PRDM16: variants seen among roughly 807,000 people sequenced by gnomAD.
PRDM16 encodes histone-lysine N-methyltransferase PRDM16.
A neutral mutation model predicts 110.6 loss-of-function variants in PRDM16; 23 were observed. That is an observed-to-expected ratio of 0.21 (90% CI 0.15 to 0.29). The LOEUF (loss-of-function observed/expected upper bound fraction) is 0.29. PRDM16 is among the 10% of genes least tolerant of loss of function. PRDM16 has a pLI of 1.00. For synonymous variants in PRDM16, 799 were observed against 781.8 expected (o/e 1.02, Z -0.37); for missense variants, 1,615 against 1,794.3 (o/e 0.90, Z 1.81).
At chr1:3,340,562 G>A (rs1307033542) in intron 3 of PRDM16, among the ~76,000 whole-genome samples, 1 of 152,120 alleles carries the variant, frequency 6.6e-6, no homozygotes, top group Non-Finnish European at 1.5e-5. Context: ...CCTGCACAGG[G>A]CTCCCTCCCC....
rs1644070432 is a variant in PRDM16 at position 3,175,101 on chromosome 1, G to C, written c.38-11024G>C. On this transcript the variant is annotated intron_variant, in intron 1 of 16. Coordinates refer to ENST00000270722, the MANE Select transcript of PRDM16 (RefSeq NM_022114.4). The surrounding 1 kb of genome is among the most constrained non-coding windows in gnomAD (Gnocchi z 4.8). ...CATTTCCTGGAGTTACGACAGCTTT[G>C]TTCTTGTCTCAAAGCCAAGATCCAG... Among the ~76,000 whole-genome samples, 2 of 152,134 alleles carry C rather than the reference G, an allele frequency of 1.3e-5. No homozygotes were observed. The highest frequency in any genetic ancestry group is 1.3e-4 in the Admixed American group (2 of 15,274).
chr1:3,337,711 G>A (rs370684378), intron 3 of PRDM16, among the ~76,000 whole-genome samples: 4 of 152,178 alleles, frequency 2.6e-5, no homozygotes, highest in Non-Finnish European at 4.4e-5. Context: ...GATGCTGTGC[G>A]GTTTTCCATT....
At chr1:3,396,830 C>T (rs1643393886) in intron 5 of PRDM16, among the ~76,000 whole-genome samples, 1 of 152,218 alleles carries the variant, frequency 6.6e-6, no homozygotes, top group African/African-American at 2.4e-5. Flanking sequence ...CTGGGGCATC[C>T]AGGAGGTGCA....
At chr1:3,354,138 G>A (rs2100544211) in intron 3 of PRDM16, among the ~76,000 whole-genome samples, 1 of 152,344 alleles carries the variant, frequency 6.6e-6, no homozygotes, top group Non-Finnish European at 1.5e-5. Flanking sequence ...ATTCTGGACT[G>A]CAGAGCATTT....
chr1:3,428,648 G>C (rs1037772939), intron 14 of PRDM16, among the ~76,000 whole-genome samples: 1 of 152,180 alleles, frequency 6.6e-6, no homozygotes, highest in African/African-American at 2.4e-5. Context: ...ACGTTCCCTG[G>C]GCCTCCTGCA....
chr1:3,136,283 C>T (rs1643436661), intron 1 of PRDM16, among the ~76,000 whole-genome samples: 1 of 152,220 alleles, frequency 6.6e-6, no homozygotes, highest in South Asian at 2.1e-4. Flanking sequence ...GCGCGATGCT[C>T]CGGGGTCTCG....
In PRDM16 at chr1:3,359,686, A is replaced by G. The variant is rs952679518; in HGVS notation, c.439-25466A>G. ...AAGGGTCTTTAGAAAATTTTTGGCA[A>G]TCTTGACTTCTTTCCCCCTTGGAAA... On this transcript the variant is annotated intron_variant, in intron 3 of 16. Coordinates refer to ENST00000270722, the MANE Select transcript of PRDM16 (RefSeq NM_022114.4). The surrounding 1 kb of genome is among the most constrained non-coding windows in gnomAD (Gnocchi z 4.3). Among the ~76,000 whole-genome samples, 2 of 152,208 alleles carry G rather than the reference A, an allele frequency of 1.3e-5. No homozygotes were observed. The highest frequency in any genetic ancestry group is 2.9e-5 in the Non-Finnish European group (2 of 68,016).
intron 3 of PRDM16, among the ~76,000 whole-genome samples, chr1:3,292,935 C>T (rs1022522758): frequency 1.3e-5 from 2 of 152,200 alleles, no homozygotes; most frequent in East Asian, 1.9e-4. Flanking sequence ...TCCTGTTTGT[C>T]TTCTGTGGGT....
chr1:3,226,305 TGTG>T (rs1639287781), intron 2 of PRDM16, among the ~76,000 whole-genome samples: 1 of 152,214 alleles, frequency 6.6e-6, no homozygotes, highest in Non-Finnish European at 1.5e-5. Flanking sequence ...GTTGACATGT[TGTG>T]GTGGGGTCAT....
chr1:3,277,335 C>T (rs1183476135), intron 3 of PRDM16, among the ~76,000 whole-genome samples: 1 of 152,236 alleles, frequency 6.6e-6, no homozygotes, highest in East Asian at 1.9e-4. Flanking sequence ...CTGTGGCGCA[C>T]TGGCATCCAC....
chr1:3,158,580 T>G (rs1643874955), intron 1 of PRDM16, among the ~76,000 whole-genome samples: 1 of 152,138 alleles, frequency 6.6e-6, no homozygotes, highest in South Asian at 2.1e-4. Flanking sequence ...TACAATCTCA[T>G]CGCCATGGGC....
intron 3 of PRDM16, among the ~76,000 whole-genome samples, chr1:3,289,887 G>C (rs1008068444): frequency 6.9e-6 from 1 of 145,014 alleles, no homozygotes; most frequent in African/African-American, 2.6e-5. Flanking sequence ...ACTCCTGCCC[G>C]GTCACCAGAC....
chr1:3,163,917 G>A (rs924046910), intron 1 of PRDM16, among the ~76,000 whole-genome samples: 1 of 152,200 alleles, frequency 6.6e-6, no homozygotes, highest in South Asian at 2.1e-4. Flanking sequence ...TGCAACCTAC[G>A]AATATGGATA....
At chr1:3,104,338 G>A (rs530306949) in intron 1 of PRDM16, among the ~76,000 whole-genome samples, 100 of 152,304 alleles carry the variant, frequency 6.6e-4, no homozygotes, top group South Asian at 3.5e-3. Flanking sequence ...GAGGGGTGGG[G>A]TTGGAAGGTG....
chr1:3,314,003 C>G (rs1001539977), intron 3 of PRDM16, among the ~76,000 whole-genome samples: 7 of 151,390 alleles, frequency 4.6e-5, no homozygotes, highest in African/African-American at 1.7e-4. Context: ...GGGAGTCACC[C>G]AGTGTCAGAC....
intron 3 of PRDM16, among the ~76,000 whole-genome samples, chr1:3,261,593 G>A (rs1413573513): frequency 1.3e-5 from 2 of 152,028 alleles, no homozygotes; most frequent in Non-Finnish European, 2.9e-5. Flanking sequence ...CCAGGGGGCC[G>A]GGTAGATGAC....
intron 1 of PRDM16, among the ~76,000 whole-genome samples, chr1:3,184,449 G>A (rs377567349): frequency 1.8e-4 from 28 of 152,182 alleles, no homozygotes; most frequent in African/African-American, 2.9e-4. Context: ...ACTTTCACGG[G>A]TCCTCGAGGC....
Position 3,215,708 on chromosome 1 carries a change from T to A in PRDM16, c.388-28379T>A, listed in dbSNP as rs1181396198. On this transcript the variant is annotated intron_variant, in intron 2 of 16. Coordinates refer to ENST00000270722, the MANE Select transcript of PRDM16 (RefSeq NM_022114.4). ...CCCACTGGGCGTGGAGGGACGGCCGTGGCCTTCCCCTGCCAGCCCCTGCCC... is the reference window on the plus strand; with the variant it reads ...CCCACTGGGCGTGGAGGGACGGCCGAGGCCTTCCCCTGCCAGCCCCTGCCC... 2.0e-5 allele frequency among the ~76,000 whole-genome samples: 3 copies of A among 152,172 alleles called. No individual in the cohort carries two copies. The East Asian group carries it at 5.8e-4, about 29-fold the overall frequency.
Position 3,157,452 on chromosome 1 carries a change from G to C in PRDM16, c.38-28673G>C, listed in dbSNP as rs989588731. 1.7e-4 allele frequency among the ~76,000 whole-genome samples: 25 copies of C among 144,804 alleles called. No individual in the cohort carries two copies. Among genetic ancestry groups the C allele is most frequent in the African/African-American group, 6.0e-4 (23 of 38,434 alleles). The allele number at this position is 144,804 out of a possible 152,430, so 95.0% of individuals were successfully genotyped here. A position where few individuals can be genotyped will look rare whatever the true frequency, so the allele number is the denominator to read the frequency against. On this transcript the variant is annotated intron_variant, in intron 1 of 16. Transcript: ENST00000270722. This position sits in a 1 kb window ranked among gnomAD's most constrained non-coding sequence, Gnocchi z 4.8. The stretch of plus-strand genomic sequence containing the variant: ...AAAAAAAAAAAAAAAACACCTTTGT[G>C]GGGGCTGGGGGTTGATTGTCTCTTG...
Sources: allele counts gnomAD v4.1 joint callset (sites outside exome capture counted in the v4.1 genomes callset), GRCh38; gene constraint gnomAD v4.1.1; non-coding constraint Gnocchi (gnomAD v3.1); transcripts MANE v1.5; gene names NCBI Gene and HGNC (gene_info 2026-07-23, HGNC 2026-07-21).